The following PLEKHA3 variants were observed in gnomAD, a reference collection of about 807,000 sequenced individuals.
The protein encoded by PLEKHA3 is pleckstrin homology domain containing A3.
Under a neutral mutation model 39.2 loss-of-function variants are expected in PLEKHA3, and 19 were observed. The ratio of observed to expected loss-of-function variants is 0.48; its 90% CI spans 0.34 to 0.71. PLEKHA3 has a LOEUF of 0.71. PLEKHA3 is among the 30% of genes least tolerant of loss of function. PLEKHA3 has a pLI of 0.01. For synonymous variants in PLEKHA3, 97 were observed against 118.6 expected, an observed-to-expected ratio of 0.82 and a Z score of 1.18; for missense variants, 253 against 359.5, an observed-to-expected ratio of 0.70 and a Z score of 2.40.
Position 178,501,103 on chromosome 2 carries a change from A to T in PLEKHA3, c.702A>T (p.Arg234=). 1 of 1,613,062 alleles carries T rather than the reference A, an allele frequency of 6.2e-7. No homozygotes were observed. Among genetic ancestry groups the T allele is most frequent in the Non-Finnish European group, 8.5e-7 (1 of 1,179,372 alleles). Residue 234 remains arginine (R), a synonymous_variant, in exon 7 of 8, where the codon CGA becomes CGT. Transcript: ENST00000234453. ...SIKEPVSTLH[R]LSQRRRRTYS... ...AAGAACCAGTATCTACACTTCACCG[A>T]CTCTCCCAGCGACGCCGAAGAACCT...
rs1254697360 is a variant in PLEKHA3 at position 178,513,767 on chromosome 2, CA to C, written c.*9882del. ...GTGGGTTTTTTTTTTTGTTTGACAA[CA>C]ATCAAAAGTATGGCCTACAGATAGT... On this transcript the variant is annotated 3_prime_UTR_variant, in exon 8 of 8. Transcript: ENST00000234453. 1 of 150,894 alleles carries C rather than the reference CA, an allele frequency of 6.6e-6. No homozygotes were observed. Among genetic ancestry groups the C allele is most frequent in the Non-Finnish European group, 1.5e-5 (1 of 67,824 alleles). The allele number at this position is 150,894 out of a possible 1,614,324, so 9.3% of individuals were successfully genotyped here.
chr2:178,485,336 C>A (rs935817494), intron 1 of PLEKHA3, among the ~76,000 whole-genome samples: 5 of 152,064 alleles, frequency 3.3e-5, no homozygotes, highest in African/African-American at 1.2e-4. Flanking sequence ...TATGCTATAC[C>A]CGGTTTAGGG....
rs905229908 is a variant in PLEKHA3, at chr2:178,508,265, T to G, written c.*4378T>G. The G allele has an allele frequency of 6.5e-6, 1 of 153,374 alleles. No homozygotes were observed. The highest frequency in any genetic ancestry group is 1.5e-5 in the Non-Finnish European group (1 of 67,962). 9.5% of individuals were successfully genotyped at this position (153,374 alleles called of 1,614,324 possible). On this transcript the variant is annotated 3_prime_UTR_variant, in exon 8 of 8. Transcript: ENST00000234453. ...TCTTTTTGTTATCCTCCAGCTCTTC[T>G]GTTGAATTTTCTTTATATATATATT...
intron 2 of PLEKHA3, 112 bp downstream of exon 2, chr2:178,485,869 C>A: frequency 1.5e-6 from 1 of 682,290 alleles, no homozygotes. Context: ...TCATCTAATA[C>A]CATTTATATC....
At position 178,512,019 on chromosome 2, in the gene PLEKHA3, A is replaced by G. The variant is rs1558934166; in HGVS notation, c.*8132A>G. 6.6e-6 allele frequency: 1 copy of G among 152,242 alleles called. No individual in the cohort carries two copies. Among genetic ancestry groups the G allele is most frequent in the Non-Finnish European group, 1.5e-5 (1 of 68,040 alleles). The allele number at this position is 152,242 out of a possible 1,614,324, so 9.4% of individuals were successfully genotyped here. A position where few individuals can be genotyped will look rare whatever the true frequency, so the allele number is the denominator to read the frequency against. On this transcript the variant is annotated 3_prime_UTR_variant, in exon 8 of 8. Transcript: ENST00000234453. ...AGGTGCTTTACCTCATGTTAGCCTT[A>G]TAACAGAGATGCGGAAGTACAGGAC... is the stretch of plus-strand genomic sequence containing the variant.
At chr2:178,486,855 T>C (rs1235530188) in intron 2 of PLEKHA3, among the ~76,000 whole-genome samples, 1 of 152,222 alleles carries the variant, frequency 6.6e-6, no homozygotes, top group Non-Finnish European at 1.5e-5. Flanking sequence ...ATTGAACATA[T>C]GTGTGCATTT....
chr2:178,499,133 A>T, intron 5 of PLEKHA3, 78 bp from the exon 6 acceptor site: 1 of 1,347,730 alleles, frequency 7.4e-7, no homozygotes, highest in Non-Finnish European at 1.0e-6. Flanking sequence ...TTATTATGAT[A>T]ATAGTAAATT....
At chr2:178,491,847 T>C (rs377120571) in intron 3 of PLEKHA3, among the ~76,000 whole-genome samples, 1 of 152,074 alleles carries the variant, frequency 6.6e-6, no homozygotes, top group Admixed American at 6.6e-5. Context: ...CATCATAGCA[T>C]GGCGGAGGAA....
In PLEKHA3 at chr2:178,509,326, AT is replaced by A. The variant is rs981406134; in HGVS notation, c.*5440del. 1 of 152,150 alleles carries A rather than the reference AT, an allele frequency of 6.6e-6. No individual in the cohort carries two copies. The allele number at this position is 152,150 out of a possible 1,614,324, so 9.4% of individuals were successfully genotyped here. ...TTCATTCTAGTGATTTTTAATTCAT[AT>A]GGTTTTACTGTACTACCTACCTCAT... is the stretch of plus-strand genomic sequence containing the variant. On this transcript the variant is annotated 3_prime_UTR_variant, in exon 8 of 8. Transcript: ENST00000234453.
intron 5 of PLEKHA3, among the ~76,000 whole-genome samples, chr2:178,498,082 C>T (rs1685474823): frequency 6.6e-6 from 1 of 152,024 alleles, no homozygotes; most frequent in Non-Finnish European, 1.5e-5. Context: ...TTTATAAGCA[C>T]TTTATATAGT....
intron 3 of PLEKHA3, among the ~76,000 whole-genome samples, chr2:178,493,371 G>A (rs971320219): frequency 3.3e-5 from 5 of 152,142 alleles, no homozygotes; most frequent in African/African-American, 4.8e-5. Flanking sequence ...AAAGAAAACT[G>A]AAAGGAAGCT....
Position 178,512,354 on chromosome 2 carries a change from G to C in PLEKHA3, c.*8467G>C, listed in dbSNP as rs915951289. 14 of 152,144 alleles carry C rather than the reference G, an allele frequency of 9.2e-5. No homozygotes were observed. The highest frequency in any genetic ancestry group is 2.0e-4 in the Admixed American group (3 of 15,264). 9.4% of individuals were successfully genotyped at this position (152,144 alleles called of 1,614,324 possible). ...AGCAATTTTTTTTGACATAAATGAA[G>C]GGTTGTTTCCATGGGTAATATATTC... On this transcript the variant is annotated 3_prime_UTR_variant, in exon 8 of 8. Transcript: ENST00000234453.
At chr2:178,486,314 T>C (rs1685249592) in intron 2 of PLEKHA3, among the ~76,000 whole-genome samples, 1 of 152,142 alleles carries the variant, frequency 6.6e-6, no homozygotes, top group Non-Finnish European at 1.5e-5. Context: ...CATTGATTCA[T>C]TTGTGTGTGT....
intron 5 of PLEKHA3, among the ~76,000 whole-genome samples, chr2:178,496,170 A>G (rs1308800514): frequency 1.3e-5 from 2 of 152,216 alleles, no homozygotes; most frequent in Non-Finnish European, 1.5e-5. Context: ...TACAGTGTAT[A>G]TCAGAGAGTC....
chr2:178,486,008 A>G (rs1400322661), intron 2 of PLEKHA3, among the ~76,000 whole-genome samples: 1 of 152,204 alleles, frequency 6.6e-6, no homozygotes, highest in Non-Finnish European at 1.5e-5. Context: ...GATTTGACAA[A>G]CAATTTCTTG....
chr2:178,484,282 T>A (rs367971564), intron 1 of PLEKHA3, among the ~76,000 whole-genome samples: 333 of 152,294 alleles, frequency 2.2e-3, no homozygotes, highest in African/African-American at 7.9e-3. Context: ...TTTGTTTAGG[T>A]CTCACTAGGG....
chr2:178,501,226 C>A, intron 7 of PLEKHA3, 50 bp downstream of exon 7: 1 of 1,280,080 alleles, frequency 7.8e-7, no homozygotes, highest in Non-Finnish European at 1.1e-6. Context: ...AGCAAAATTA[C>A]TGTGGGGCTC....
Position 178,483,773 on chromosome 2 carries a change from C to T in PLEKHA3, c.41-1868C>T, listed in dbSNP as rs137905250. On this transcript the variant is annotated intron_variant, in intron 1 of 7. Coordinates refer to ENST00000234453, the MANE Select transcript of PLEKHA3 (RefSeq NM_019091.4). ...CTCAAAGATATATTGTATGTCTATA[C>T]TCTCATGGTTAATAGGAAATATCTG... Among the ~76,000 whole-genome samples, 220 of 152,240 alleles carry T rather than the reference C, an allele frequency of 1.4e-3. 5 individuals are homozygous for T. In the South Asian group the frequency reaches 0.022, roughly 15 times the overall value.
At chr2:178,499,113 A>C in intron 5 of PLEKHA3, 98 bp from the exon 6 acceptor site, 1 of 1,200,334 alleles carries the variant, frequency 8.3e-7, no homozygotes, top group Non-Finnish European at 1.2e-6. Flanking sequence ...TTCTCTGAGT[A>C]AATTTATGTT....
Sources: gnomAD v4.1 joint callset for allele counts (sites outside exome capture counted in the v4.1 genomes callset) on GRCh38, gnomAD v4.1.1 for gene constraint, MANE v1.5 for transcripts, NCBI Gene and HGNC (gene_info 2026-07-23, HGNC 2026-07-21) for gene names.